Variants in LDLRAD4 observed in about 807,000 individuals in gnomAD.
LDLRAD4 encodes low-density lipoprotein receptor class A domain-containing protein 4.
LDLRAD4 carries 5 observed loss-of-function variants against 17.0 expected under a neutral mutation model. That is an observed-to-expected ratio of 0.29 (90% CI 0.15 to 0.62). The LOEUF (loss-of-function observed/expected upper bound fraction) is 0.62, where lower values mean the gene tolerates loss of function less well. Ranked by LOEUF, LDLRAD4 falls within the 20% of genes least tolerant of loss-of-function variation. The pLI is 0.84. For missense variants in LDLRAD4, 340 were observed against 424.7 expected, an observed-to-expected ratio of 0.80 and a Z score of 1.75; for synonymous variants, 168 against 171.8, an observed-to-expected ratio of 0.98 and a Z score of 0.17.
chr18:13,266,162 A>G (rs1269923151), intron 1 of LDLRAD4, among the ~76,000 whole-genome samples: 1 of 152,180 alleles, frequency 6.6e-6, no homozygotes, highest in Non-Finnish European at 1.5e-5. Context: ...GACAGTGAGT[A>G]GCACTCGCCC....
chr18:13,221,942 A>G (rs1024035680), intron 1 of LDLRAD4, among the ~76,000 whole-genome samples: 3 of 152,230 alleles, frequency 2.0e-5, no homozygotes, highest in Admixed American at 2.0e-4. Flanking sequence ...CTTTTCTAGA[A>G]TAAAAACTCT....
chr18:13,642,339 G>C, intron 4 of LDLRAD4: 14 of 1,003,264 alleles, frequency 1.4e-5, no homozygotes, highest in Non-Finnish European at 1.7e-5. Flanking sequence ...CGTGACGGCC[G>C]ACAGCCCCGC....
chr18:13,452,237 A>T (rs888762413), intron 3 of LDLRAD4, among the ~76,000 whole-genome samples: 2 of 152,114 alleles, frequency 1.3e-5, no homozygotes, highest in African/African-American at 4.8e-5. Context: ...GGGAAGTCAG[A>T]GTGTGCCCGG....
intron 3 of LDLRAD4, among the ~76,000 whole-genome samples, chr18:13,557,482 G>A (rs539459076): frequency 2.2e-4 from 34 of 152,240 alleles, no homozygotes; most frequent in African/African-American, 7.2e-4. Context: ...CTCACTGCAA[G>A]CTCCGCCTCC....
At chr18:13,500,713 C>T (rs1568263351) in intron 3 of LDLRAD4, 1 of 151,992 alleles carries the variant, frequency 6.6e-6, no homozygotes, top group Non-Finnish European at 1.5e-5. Context: ...GGAAAGAAGC[C>T]CTGAGCTGCT....
chr18:13,232,244 C>T (rs4797745), intron 1 of LDLRAD4, among the ~76,000 whole-genome samples: 133,153 of 152,202 alleles, frequency 0.87, 58,408 homozygotes, highest in East Asian at 0.95. Context: ...GAGTATGTCC[C>T]AGGTCCTGAG....
intron 3 of LDLRAD4, among the ~76,000 whole-genome samples, chr18:13,601,984 G>A (rs2095168711): frequency 1.3e-5 from 2 of 152,238 alleles, no homozygotes; most frequent in South Asian, 4.1e-4. Flanking sequence ...CTGTGAAAAA[G>A]AATGAAATCA....
At chr18:13,401,151 G>A (rs2087153169) in intron 2 of LDLRAD4, among the ~76,000 whole-genome samples, 1 of 152,110 alleles carries the variant, frequency 6.6e-6, no homozygotes. Context: ...AGAGCAGCCA[G>A]GGCAGAGGAC....
intron 3 of LDLRAD4, among the ~76,000 whole-genome samples, chr18:13,558,808 C>A (rs2094510103): frequency 6.6e-6 from 1 of 152,074 alleles, no homozygotes; most frequent in Non-Finnish European, 1.5e-5. Flanking sequence ...CAAAGAGAAC[C>A]TCTGCCACCA....
chr18:13,438,825 T>C (rs956588983), intron 3 of LDLRAD4, among the ~76,000 whole-genome samples: 1 of 152,226 alleles, frequency 6.6e-6, no homozygotes, highest in Non-Finnish European at 1.5e-5. Flanking sequence ...TATTAGATAC[T>C]GGATGGAAAC....
intron 2 of LDLRAD4, among the ~76,000 whole-genome samples, chr18:13,399,101 C>T (rs920102670): frequency 5.3e-5 from 8 of 152,006 alleles, no homozygotes; most frequent in Non-Finnish European, 7.4e-5. Flanking sequence ...ATAGTCCTGG[C>T]TACTCAGGAG....
chr18:13,357,200 C>T (rs1184925590), intron 1 of LDLRAD4, among the ~76,000 whole-genome samples: 3 of 152,100 alleles, frequency 2.0e-5, no homozygotes, highest in African/African-American at 4.8e-5. Flanking sequence ...TTTAAGTTTC[C>T]ATTTTAACAG....
At chr18:13,260,251 C>T (rs940888648) in intron 1 of LDLRAD4, among the ~76,000 whole-genome samples, 2 of 152,196 alleles carry the variant, frequency 1.3e-5, no homozygotes, top group African/African-American at 4.8e-5. Flanking sequence ...GCAATGCGCC[C>T]TGTTCTGCTG....
intron 1 of LDLRAD4, among the ~76,000 whole-genome samples, chr18:13,219,547 A>G (rs1007315742): frequency 6.6e-6 from 1 of 152,200 alleles, no homozygotes; most frequent in Admixed American, 6.5e-5. Context: ...TAGGCATTGT[A>G]GGATGTGAGG....
chr18:13,254,249 G>A (rs953825861), intron 1 of LDLRAD4, among the ~76,000 whole-genome samples: 48 of 152,220 alleles, frequency 3.2e-4, no homozygotes, highest in African/African-American at 1.1e-3. Context: ...GGAGCTTTTC[G>A]GGTCCAGAGC....
intron 2 of LDLRAD4, among the ~76,000 whole-genome samples, chr18:13,426,956 C>T (rs1018877313): frequency 2.7e-4 from 41 of 152,124 alleles, no homozygotes; most frequent in Admixed American, 3.3e-4. Context: ...GAGGCTGAGG[C>T]GGGCGGATCA....
Position 13,621,370 on chromosome 18 carries a change from T to G in LDLRAD4, c.336+99T>G. On this transcript the variant is annotated intron_variant, in intron 4 of 5. Transcript: ENST00000359446. This position sits in a 1 kb window ranked among gnomAD's most constrained non-coding sequence, Gnocchi z 5.5. Reference sequence around the variant, plus strand: ...GCCGGGAGTGCTTTCAGTTGACATGTAACAAACGGGGCGAAGCGCACCTCG... The same window carrying G: ...GCCGGGAGTGCTTTCAGTTGACATGGAACAAACGGGGCGAAGCGCACCTCG... 1 of 912,924 alleles carries G rather than the reference T, an allele frequency of 1.1e-6. No homozygotes were observed. The highest frequency in any genetic ancestry group is 1.4e-5 in the South Asian group (1 of 70,068). 56.6% of individuals were successfully genotyped at this position (912,924 alleles called of 1,614,324 possible).
intron 1 of LDLRAD4, among the ~76,000 whole-genome samples, chr18:13,289,229 A>G (rs2045828080): frequency 6.6e-6 from 1 of 152,256 alleles, no homozygotes; most frequent in Non-Finnish European, 1.5e-5. Flanking sequence ...GTTCAGTTCC[A>G]GCACGCATAA....
exon 6 of LDLRAD4, chr18:13,651,513 G>A (rs1008943040): frequency 6.6e-6 from 1 of 152,138 alleles, no homozygotes; most frequent in East Asian, 1.9e-4. Flanking sequence ...AAGCAAACTC[G>A]GTTTTGCCAT....
Sources: gnomAD v4.1 joint callset for allele counts (sites outside exome capture counted in the v4.1 genomes callset) on GRCh38, gnomAD v4.1.1 for gene constraint, Gnocchi (gnomAD v3.1) non-coding constraint, MANE v1.5 for transcripts, NCBI Gene and HGNC (gene_info 2026-07-23, HGNC 2026-07-21) for gene names.